PCBP3: variants seen among roughly 807,000 people sequenced by gnomAD.
PCBP3 encodes the protein poly(rC)-binding protein 3.
Under a neutral mutation model 52.7 loss-of-function variants are expected in PCBP3, and 25 were observed. The ratio of observed to expected loss-of-function variants is 0.47; its 90% CI spans 0.35 to 0.66. PCBP3 has a LOEUF of 0.66. Ranked by LOEUF, PCBP3 falls within the 30% of genes least tolerant of loss-of-function variation. PCBP3 has a pLI of 0.01. For synonymous variants in PCBP3, 162 were observed against 183.0 expected (o/e 0.89, Z 0.93); for missense variants, 391 against 490.3 (o/e 0.80, Z 1.91).
chr21:45,799,947 G>T (rs920647613), intron 4 of PCBP3, among the ~76,000 whole-genome samples: 4 of 152,236 alleles, frequency 2.6e-5, no homozygotes, highest in African/African-American at 9.6e-5. Context: ...CACCAGGTTG[G>T]CACCGGGCTC....
Position 45,800,272 on chromosome 21 carries a change from G to A in PCBP3, c.-126+44820G>A, listed in dbSNP as rs570783658. Among the ~76,000 whole-genome samples the A allele has an allele frequency of 3.3e-5, 5 of 152,328 alleles. No homozygotes were observed. The highest frequency in any genetic ancestry group is 3.3e-4 in the Admixed American group (5 of 15,304). On this transcript the variant is annotated intron_variant, in intron 4 of 17. Coordinates refer to ENST00000681687, the MANE Select transcript of PCBP3 (RefSeq NM_001384156.1). This position sits in a 1 kb window ranked among gnomAD's most constrained non-coding sequence, Gnocchi z 5.3. ...GAGGCTCCTGGCAGATCCACCCACA[G>A]AGACAGCAGGTCCAGGTCAGGGCTA...
chr21:45,792,904 G>T (rs2091702591), intron 4 of PCBP3, among the ~76,000 whole-genome samples: 1 of 152,214 alleles, frequency 6.6e-6, no homozygotes, highest in African/African-American at 2.4e-5. Context: ...ACCAACTCCA[G>T]TGAGGGACAG....
intron 2 of PCBP3, among the ~76,000 whole-genome samples, chr21:45,699,511 T>C (rs912134444): frequency 2.6e-5 from 4 of 152,206 alleles, no homozygotes; most frequent in Non-Finnish European, 5.9e-5. Flanking sequence ...GAGTCACATA[T>C]AGCTTGTCAT....
At chr21:45,786,273 CTTTATA>C (rs2091152635) in intron 4 of PCBP3, among the ~76,000 whole-genome samples, 1 of 145,550 alleles carries the variant, frequency 6.9e-6, no homozygotes, top group Non-Finnish European at 1.5e-5. Flanking sequence ...CATTTTTACT[CTTTATA>C]TTTAAGTATC....
intron 5 of PCBP3, among the ~76,000 whole-genome samples, chr21:45,881,966 A>G (rs2095415458): frequency 6.6e-6 from 1 of 152,142 alleles, no homozygotes; most frequent in South Asian, 2.1e-4. Flanking sequence ...TGATTCCACC[A>G]TATCTAGGCT....
At chr21:45,912,869 C>A (rs1292156808) in intron 11 of PCBP3, among the ~76,000 whole-genome samples, 6 of 152,204 alleles carry the variant, frequency 3.9e-5, no homozygotes, top group Admixed American at 3.9e-4. Flanking sequence ...TCCCCTTCCC[C>A]ACAGTACTTG....
intron 1 of PCBP3, among the ~76,000 whole-genome samples, chr21:45,646,583 C>T (rs2079328523): frequency 6.6e-6 from 1 of 152,200 alleles, no homozygotes; most frequent in Non-Finnish European, 1.5e-5. Flanking sequence ...CCACCAGCTC[C>T]ACTCCCATGA....
chr21:45,804,457 A>G (rs35781238), intron 4 of PCBP3, among the ~76,000 whole-genome samples: 52,963 of 152,058 alleles, frequency 0.35, 9,773 homozygotes, highest in Middle Eastern at 0.44. Flanking sequence ...TGGCAAAACC[A>G]AAAGCCATGG....
At chr21:45,809,459 C>A (rs1029382497) in intron 4 of PCBP3, among the ~76,000 whole-genome samples, 5 of 152,056 alleles carry the variant, frequency 3.3e-5, no homozygotes, top group Non-Finnish European at 5.9e-5. Flanking sequence ...GGTGTGCGAG[C>A]AAGAGGAGGA....
rs2079514094 is a variant in PCBP3, at chr21:45,649,099, T to G, written c.-279+5231T>G. On this transcript the variant is annotated intron_variant, in intron 1 of 17. Coordinates refer to ENST00000681687, the MANE Select transcript of PCBP3 (RefSeq NM_001384156.1). ...GGGCAATTTACAAAAGAAAGAGGTT[T>G]AATGGACTTACAGTTCCACGTGGCT... Among the ~76,000 whole-genome samples the G allele has an allele frequency of 2.6e-5, 4 of 152,176 alleles. No individual in the cohort carries two copies. In the South Asian group the frequency reaches 8.3e-4, roughly 31 times the overall value.
chr21:45,883,610 A>G (rs1355287720), intron 5 of PCBP3, among the ~76,000 whole-genome samples: 1 of 151,284 alleles, frequency 6.6e-6, no homozygotes, highest in East Asian at 1.9e-4. Flanking sequence ...GCTTATTTAG[A>G]CTCTTTTATC....
chr21:45,740,834 T>C (rs1056919660), intron 3 of PCBP3, among the ~76,000 whole-genome samples: 1 of 152,156 alleles, frequency 6.6e-6, no homozygotes, highest in African/African-American at 2.4e-5. Flanking sequence ...TTTCTTGTGT[T>C]GCAGACAGTG....
intron 4 of PCBP3, among the ~76,000 whole-genome samples, chr21:45,786,947 C>T (rs1338719112): frequency 2.0e-5 from 3 of 152,210 alleles, no homozygotes; most frequent in Non-Finnish European, 4.4e-5. Context: ...TAGCGGCGTG[C>T]AGCCTGCTGG....
At chr21:45,716,796 G>A (rs2084254907) in intron 2 of PCBP3, among the ~76,000 whole-genome samples, 1 of 152,182 alleles carries the variant, frequency 6.6e-6, no homozygotes, top group African/African-American at 2.4e-5. Flanking sequence ...TGGGAAATGT[G>A]AGTCTTCTGA....
At chr21:45,662,959 G>A (rs1005238546) in intron 1 of PCBP3, among the ~76,000 whole-genome samples, 3 of 152,134 alleles carry the variant, frequency 2.0e-5, no homozygotes, top group Non-Finnish European at 2.9e-5. Flanking sequence ...CACCTCTTGT[G>A]GAGGGCCTGA....
intron 4 of PCBP3, among the ~76,000 whole-genome samples, chr21:45,786,093 A>G (rs2091130868): frequency 6.7e-6 from 1 of 149,190 alleles, no homozygotes; most frequent in Admixed American, 6.7e-5. Flanking sequence ...GACCCTGCCA[A>G]ATCCCCCTCT....
chr21:45,906,966 G>A (rs531604884), intron 9 of PCBP3, among the ~76,000 whole-genome samples: 5 of 152,340 alleles, frequency 3.3e-5, no homozygotes, highest in East Asian at 1.9e-4. Context: ...TCTGCAGGTC[G>A]GATGCAGGAA....
chr21:45,709,306 T>C (rs1006027017), intron 2 of PCBP3, among the ~76,000 whole-genome samples: 34 of 152,204 alleles, frequency 2.2e-4, no homozygotes, highest in Non-Finnish European at 4.8e-4. Flanking sequence ...TGTGACTAAG[T>C]ACATCACATA....
chr21:45,770,816 C>T (rs933957253), intron 4 of PCBP3, among the ~76,000 whole-genome samples: 1 of 152,212 alleles, frequency 6.6e-6, no homozygotes, highest in African/African-American at 2.4e-5. Context: ...CTGGGGCCAG[C>T]CTCTGCAGCC....
Sources: gnomAD v4.1 joint callset for allele counts (sites outside exome capture counted in the v4.1 genomes callset) on GRCh38, gnomAD v4.1.1 for gene constraint, Gnocchi (gnomAD v3.1) non-coding constraint, MANE v1.5 for transcripts, NCBI Gene and HGNC (gene_info 2026-07-23, HGNC 2026-07-21) for gene names.